Variants in PHACTR1 observed in about 807,000 individuals in gnomAD.
PHACTR1 encodes the protein phosphatase and actin regulator 1, also known as RPEL repeat containing 1.
A neutral mutation model predicts 69.2 loss-of-function variants in PHACTR1; 16 were observed. The ratio of observed to expected loss-of-function variants is 0.23; its 90% CI spans 0.16 to 0.35. The LOEUF is 0.35. PHACTR1 is among the 10% of genes least tolerant of loss of function. The pLI, the probability that PHACTR1 is intolerant of heterozygous loss-of-function variation, is 1.00. For synonymous variants in PHACTR1, 312 were observed against 284.5 expected (o/e 1.10, Z -0.97); for missense variants, 510 against 734.7 (o/e 0.69, Z 3.54).
intron 5 of PHACTR1, among the ~76,000 whole-genome samples, chr6:13,058,716 A>G (rs1807174308): frequency 6.6e-6 from 1 of 152,182 alleles, no homozygotes; most frequent in Admixed American, 6.5e-5. Flanking sequence ...GGTTTGGGCT[A>G]GAGTCTGAGG....
intron 10 of PHACTR1, among the ~76,000 whole-genome samples, chr6:13,241,558 C>A (rs1241864219): frequency 6.6e-6 from 1 of 152,190 alleles, no homozygotes; most frequent in Middle Eastern, 3.2e-3. Flanking sequence ...TCACCACTTA[C>A]TAGCTGGGCC....
chr6:13,273,868 C>G (rs1281334035), intron 11 of PHACTR1: 1 of 152,124 alleles, frequency 6.6e-6, no homozygotes, highest in Non-Finnish European at 1.5e-5. Flanking sequence ...TCTAGAAATG[C>G]TATGTTGTAC....
In PHACTR1 at chr6:13,014,223, G is replaced by A. The variant is rs558573809; in HGVS notation, c.251-39142G>A. Among the ~76,000 whole-genome samples the A allele has an allele frequency of 2.9e-4, 44 of 152,208 alleles. No individual in the cohort carries two copies. The South Asian group carries it at 7.5e-3, about 26-fold the overall frequency. On this transcript the variant is annotated intron_variant, in intron 4 of 14. Transcript: ENST00000332995. ...CGGGCTGTCTCAGTTTGGGGGCACC[G>A]CCGGCGTCTGTCGCCTGGAAAACTG...
intron 4 of PHACTR1, among the ~76,000 whole-genome samples, chr6:12,943,668 C>T (rs974160328): frequency 6.6e-5 from 10 of 152,160 alleles, no homozygotes; most frequent in African/African-American, 2.2e-4. Context: ...TTAAAATGCA[C>T]GTGTCCTTCT....
intron 4 of PHACTR1, among the ~76,000 whole-genome samples, chr6:12,890,197 A>G (rs1784040065): frequency 6.6e-6 from 1 of 152,120 alleles, no homozygotes; most frequent in Non-Finnish European, 1.5e-5. Context: ...TGAGAATTTG[A>G]CTAATGCCTG....
chr6:13,042,019 A>C (rs1203888725), intron 4 of PHACTR1, among the ~76,000 whole-genome samples: 2 of 152,224 alleles, frequency 1.3e-5, no homozygotes, highest in Non-Finnish European at 2.9e-5. Flanking sequence ...CCACAAAAAA[A>C]CACTATCCAA....
At chr6:12,985,260 G>A (rs751505554) in intron 4 of PHACTR1, among the ~76,000 whole-genome samples, 76 of 112,468 alleles carry the variant, frequency 6.8e-4, no homozygotes, top group Non-Finnish European at 9.6e-4. Context: ...CAATTTTCTC[G>A]AACCATAGGA....
chr6:13,013,514 C>T (rs150407700), intron 4 of PHACTR1, among the ~76,000 whole-genome samples: 3,275 of 152,346 alleles, frequency 0.021, 55 homozygotes, highest in Middle Eastern at 0.034. Flanking sequence ...CGCCCTGGAG[C>T]TCTTGAGAGT....
Position 12,777,239 on chromosome 6 carries a change from A to ATTTT in PHACTR1, c.250+27450_250+27451insTTTT, listed in dbSNP as rs1330145058. 7.2e-3 allele frequency among the ~76,000 whole-genome samples: 772 copies of ATTTT among 107,498 alleles called. 5 individuals carry two copies. The highest frequency in any genetic ancestry group is 0.032 in the African/African-American group (627 of 19,664). The allele number at this position is 107,498 out of a possible 152,430, so 70.5% of individuals were successfully genotyped here. Reference sequence around the variant, plus strand: ...TACGGTTTTATATATATATATATATATATTTTTTTAATTTTTATTTTAGGT... The same window carrying ATTTT: ...TACGGTTTTATATATATATATATATATTTTTATTTTTTTAATTTTTATTTTAGGT... On this transcript the variant is annotated intron_variant, in intron 4 of 14. Transcript: ENST00000332995.
chr6:12,840,751 C>A (rs1488970807), intron 4 of PHACTR1, among the ~76,000 whole-genome samples: 26 of 152,316 alleles, frequency 1.7e-4, no homozygotes, highest in Non-Finnish European at 1.5e-5. Flanking sequence ...ACCTCCACCC[C>A]CAAATTTATG....
intron 4 of PHACTR1, among the ~76,000 whole-genome samples, chr6:12,934,624 T>C (rs1375869035): frequency 6.6e-6 from 1 of 152,058 alleles, no homozygotes; most frequent in Non-Finnish European, 1.5e-5. Context: ...TCATTTGAGG[T>C]CAGGAGTTTG....
chr6:12,821,987 A>T (rs1406441979), intron 4 of PHACTR1, among the ~76,000 whole-genome samples: 2 of 152,244 alleles, frequency 1.3e-5, no homozygotes, highest in Non-Finnish European at 2.9e-5. Context: ...TGTAAGCCCC[A>T]TGAGGAGACC....
At chr6:12,919,284 A>G (rs142393477) in intron 4 of PHACTR1, among the ~76,000 whole-genome samples, 2,940 of 152,164 alleles carry the variant, frequency 0.019, 102 homozygotes, top group African/African-American at 0.067. Context: ...CTGGGACTAC[A>G]GGCACGCACC....
intron 4 of PHACTR1, among the ~76,000 whole-genome samples, chr6:12,785,029 A>G (rs1346941118): frequency 2.0e-5 from 3 of 151,682 alleles, no homozygotes; most frequent in Non-Finnish European, 4.4e-5. Flanking sequence ...TTATACATAT[A>G]TATTTATACA....
intron 4 of PHACTR1, among the ~76,000 whole-genome samples, chr6:12,754,002 AC>A (rs1766966319): frequency 1.4e-5 from 2 of 146,674 alleles, no homozygotes; most frequent in South Asian, 4.3e-4. Context: ...TCACTCTGTC[AC>A]CCAGGCTGGA....
intron 5 of PHACTR1, among the ~76,000 whole-genome samples, chr6:13,156,219 G>A (rs1288503499): frequency 2.0e-5 from 3 of 152,148 alleles, no homozygotes; most frequent in Non-Finnish European, 2.9e-5. Flanking sequence ...ATTAAGTTAA[G>A]TAACAATTTT....
intron 4 of PHACTR1, among the ~76,000 whole-genome samples, chr6:13,020,053 G>A (rs938957504): frequency 1.1e-4 from 17 of 152,290 alleles, no homozygotes; most frequent in Middle Eastern, 3.4e-3. Flanking sequence ...TGAGTTTGTT[G>A]AAGGCCAGGT....
chr6:12,957,949 T>C, intron 4 of PHACTR1: 3 of 985,044 alleles, frequency 3.0e-6, no homozygotes, highest in Non-Finnish European at 3.6e-6. Context: ...TGTTGCTCAA[T>C]TTAAGAAAGC....
chr6:12,728,973 C>G (rs1763143378), intron 3 of PHACTR1, among the ~76,000 whole-genome samples: 1 of 152,132 alleles, frequency 6.6e-6, no homozygotes, highest in Admixed American at 6.5e-5. Flanking sequence ...TAGAAACACA[C>G]AAATATAAAG....
Sources: allele counts gnomAD v4.1 joint callset (sites outside exome capture counted in the v4.1 genomes callset), GRCh38; gene constraint gnomAD v4.1.1; transcripts MANE v1.5; gene names NCBI Gene and HGNC (gene_info 2026-07-23, HGNC 2026-07-21).